Variants in GALNT13 observed in about 807,000 individuals in gnomAD.
The protein encoded by GALNT13 is polypeptide N-acetylgalactosaminyltransferase 13.
A neutral mutation model predicts 64.2 loss-of-function variants in GALNT13; 28 were observed. The observed-to-expected ratio is 0.44, with a 90% CI of 0.32 to 0.60. GALNT13 has a LOEUF of 0.60. Ranked by LOEUF, GALNT13 falls within the 20% of genes least tolerant of loss-of-function variation. The pLI is 0.05. For synonymous variants in GALNT13, 214 were observed against 224.6 expected, an observed-to-expected ratio of 0.95 and a Z score of 0.42; for missense variants, 577 against 669.8, an observed-to-expected ratio of 0.86 and a Z score of 1.53.
chr2:153,515,928 G>A, the GALNT13 span, among the ~76,000 whole-genome samples: 1 of 152,160 alleles, frequency 6.6e-6, no homozygotes, highest in African/African-American at 2.4e-5. Context: ...TATGGCTGCT[G>A]TTAGACGTGA....
chr2:154,147,702 A>ATTTG (rs550341644), intron 4 of GALNT13, among the ~76,000 whole-genome samples: 1 of 151,884 alleles, frequency 6.6e-6, no homozygotes, highest in Non-Finnish European at 1.5e-5. Context: ...CCAAATACCT[A>ATTTG]TTTGTTTGTT....
chr2:153,432,374 G>A, the GALNT13 span, among the ~76,000 whole-genome samples: 1 of 152,134 alleles, frequency 6.6e-6, no homozygotes, highest in African/African-American at 2.4e-5. Flanking sequence ...CAAATGGTTT[G>A]GAATGAATCT....
Position 154,024,150 on chromosome 2 carries a change from G to T in GALNT13, c.142+79511G>T, listed in dbSNP as rs541261318. On this transcript the variant is annotated intron_variant, in intron 3 of 12. Transcript: ENST00000392825. Reference sequence around the variant, plus strand: ...ACATTTTTTCCTTCATTTCAACTTTGGTGAATCTGACAGTTATGTGTCTTG... The same window carrying T: ...ACATTTTTTCCTTCATTTCAACTTTTGTGAATCTGACAGTTATGTGTCTTG... Among the ~76,000 whole-genome samples the T allele has an allele frequency of 1.6e-3, 248 of 152,068 alleles. No individual in the cohort carries two copies. In the Middle Eastern group the frequency reaches 0.017, roughly 10 times the overall value.
chr2:153,534,696 G>A, the GALNT13 span, among the ~76,000 whole-genome samples: 4 of 151,836 alleles, frequency 2.6e-5, no homozygotes, highest in Non-Finnish European at 5.9e-5. Flanking sequence ...GGGCAGGAGT[G>A]GGGGTCGCAA....
intron 7 of GALNT13, among the ~76,000 whole-genome samples, chr2:154,255,548 G>T (rs900595889): frequency 6.6e-6 from 1 of 152,168 alleles, no homozygotes; most frequent in Non-Finnish European, 1.5e-5. Flanking sequence ...TTAGGAGTCT[G>T]TTGAGGCCAC....
intron 4 of GALNT13, among the ~76,000 whole-genome samples, chr2:154,183,041 G>A (rs1686049858): frequency 6.6e-6 from 1 of 152,100 alleles, no homozygotes; most frequent in Non-Finnish European, 1.5e-5. Flanking sequence ...TGCTGGTCTT[G>A]TGGAATGAGT....
the GALNT13 span, among the ~76,000 whole-genome samples, chr2:153,069,130 T>TCTCCTG: frequency 6.6e-6 from 1 of 152,194 alleles, no homozygotes; most frequent in East Asian, 1.9e-4. Context: ...GCTACCTCTT[T>TCTCCTG]GACCTTCAGC....
At chr2:154,327,778 A>C (rs1694956680) in intron 9 of GALNT13, among the ~76,000 whole-genome samples, 1 of 152,126 alleles carries the variant, frequency 6.6e-6, no homozygotes, top group South Asian at 2.1e-4. Flanking sequence ...ACTGCTAACA[A>C]TGTACTCCTG....
the GALNT13 span, among the ~76,000 whole-genome samples, chr2:153,644,363 T>C: frequency 6.6e-6 from 1 of 152,092 alleles, no homozygotes; most frequent in Non-Finnish European, 1.5e-5. Flanking sequence ...TGCATTCTTA[T>C]GTGGCCCTTT....
the GALNT13 span, among the ~76,000 whole-genome samples, chr2:153,222,112 A>G: frequency 6.6e-6 from 1 of 151,738 alleles, no homozygotes; most frequent in Admixed American, 6.6e-5. Context: ...AAAATGAGGT[A>G]TGCGGACAAC....
At chr2:153,617,751 A>G in the GALNT13 span, among the ~76,000 whole-genome samples, 1 of 151,790 alleles carries the variant, frequency 6.6e-6, no homozygotes, top group African/African-American at 2.4e-5. Context: ...TGGTCAGTTC[A>G]GGTTTTGGAT....
chr2:154,339,509 C>T (rs541440623), intron 9 of GALNT13, among the ~76,000 whole-genome samples: 7 of 152,080 alleles, frequency 4.6e-5, no homozygotes, highest in Admixed American at 2.0e-4. Context: ...GAAGTATACT[C>T]GTTATTTGGA....
the GALNT13 span, among the ~76,000 whole-genome samples, chr2:153,462,836 T>C: frequency 3.3e-5 from 5 of 152,136 alleles, no homozygotes; most frequent in African/African-American, 4.8e-5. Context: ...GGCTCATAAA[T>C]AGGCTAAGCC....
At chr2:154,200,162 G>A (rs1272008704) in intron 4 of GALNT13, among the ~76,000 whole-genome samples, 3 of 151,928 alleles carry the variant, frequency 2.0e-5, no homozygotes, top group African/African-American at 7.2e-5. Flanking sequence ...GATATATTGG[G>A]TAGTAAACAT....
chr2:153,246,782 A>C, the GALNT13 span, among the ~76,000 whole-genome samples: 1 of 152,370 alleles, frequency 6.6e-6, no homozygotes, highest in South Asian at 2.1e-4. Context: ...GAAAGGATCA[A>C]ATTCATACAT....
At position 153,951,424 on chromosome 2, in the gene GALNT13, G is replaced by A. The variant is rs1270812500; in HGVS notation, c.142+6785G>A. 2.6e-5 allele frequency among the ~76,000 whole-genome samples: 4 copies of A among 152,272 alleles called. No homozygotes were observed. In the East Asian group the frequency reaches 7.7e-4, roughly 29 times the overall value. On this transcript the variant is annotated intron_variant, in intron 3 of 12. Transcript: ENST00000392825. Reference sequence around the variant, plus strand: ...TCTGTGGCAGTATTCCATGTATTCTGTGTAGGAAATGATGTCTGCTTAGAG... The same window carrying A: ...TCTGTGGCAGTATTCCATGTATTCTATGTAGGAAATGATGTCTGCTTAGAG...
At chr2:153,860,186 G>A in the GALNT13 span, among the ~76,000 whole-genome samples, 1 of 152,168 alleles carries the variant, frequency 6.6e-6, no homozygotes, top group African/African-American at 2.4e-5. Context: ...GTTGCCAAAA[G>A]GCAAAATATT....
At chr2:153,341,095 T>C in the GALNT13 span, among the ~76,000 whole-genome samples, 1 of 152,218 alleles carries the variant, frequency 6.6e-6, no homozygotes, top group South Asian at 2.1e-4. Context: ...AAAAATTTTA[T>C]TGAAATTACC....
In GALNT13 at chr2:153,963,079, A is replaced by C. The variant is rs192010272; in HGVS notation, c.142+18440A>C. Among the ~76,000 whole-genome samples, 446 of 152,326 alleles carry C rather than the reference A, an allele frequency of 2.9e-3. 3 individuals carry two copies. The highest frequency in any genetic ancestry group is 4.5e-3 in the Non-Finnish European group (303 of 68,032). On this transcript the variant is annotated intron_variant, in intron 3 of 12. Transcript: ENST00000392825. ...TTGGAGGCTTAGAAAGCCAAGACCA[A>C]GGTGCAAGCAGGATTGTTTTCTGGT...
Sources: allele counts gnomAD v4.1 joint callset (sites outside exome capture counted in the v4.1 genomes callset), GRCh38; gene constraint gnomAD v4.1.1; transcripts MANE v1.5; gene names NCBI Gene and HGNC (gene_info 2026-07-23, HGNC 2026-07-21).